SLC16A7: variants seen among roughly 807,000 people sequenced by gnomAD.
The protein encoded by SLC16A7 is solute carrier family 16 member 7.
In SLC16A7, 33 loss-of-function variants were observed where a neutral mutation model predicts 34.9. The observed-to-expected ratio is 0.94, with a 90% CI of 0.72 to 1.26. SLC16A7 has a LOEUF of 1.26. Ranked by LOEUF, SLC16A7 falls within the 50% of genes most tolerant of loss-of-function variation. The pLI is 0.00. For missense variants in SLC16A7, 573 were observed against 578.1 expected, an observed-to-expected ratio of 0.99 and a Z score of 0.09; for synonymous variants, 201 against 206.6, an observed-to-expected ratio of 0.97 and a Z score of 0.23.
At chr12:59,771,608 G>T (rs902442685) in intron 4 of SLC16A7, among the ~76,000 whole-genome samples, 1 of 151,978 alleles carries the variant, frequency 6.6e-6, no homozygotes, top group Admixed American at 6.6e-5. Context: ...AAAGAAAACA[G>T]CTTTAGTTTG....
chr12:59,679,884 A>C (rs890991060), intron 2 of SLC16A7, among the ~76,000 whole-genome samples: 1 of 152,204 alleles, frequency 6.6e-6, no homozygotes, highest in Non-Finnish European at 1.5e-5. Context: ...GTAAAAACCC[A>C]AGGTAGAAAG....
At chr12:59,696,854 A>G (rs571466912) in intron 2 of SLC16A7, among the ~76,000 whole-genome samples, 1 of 152,102 alleles carries the variant, frequency 6.6e-6, no homozygotes, top group South Asian at 2.1e-4. Context: ...AAAATGAAGA[A>G]GTATGTGAGT....
At chr12:59,715,032 G>A (rs900527279) in intron 3 of SLC16A7, among the ~76,000 whole-genome samples, 11 of 152,108 alleles carry the variant, frequency 7.2e-5, no homozygotes, top group South Asian at 2.1e-4. Context: ...AATTTAGTTC[G>A]TAACAGGTAC....
At chr12:59,597,605 G>A (rs548815515) in intron 1 of SLC16A7, among the ~76,000 whole-genome samples, 2 of 152,310 alleles carry the variant, frequency 1.3e-5, no homozygotes, top group South Asian at 4.1e-4. Context: ...GCTGAAAAAT[G>A]AGAGTTGGGT....
intron 2 of SLC16A7, among the ~76,000 whole-genome samples, chr12:59,699,093 C>G (rs1230093479): frequency 6.6e-6 from 1 of 151,342 alleles, no homozygotes; most frequent in Non-Finnish European, 1.5e-5. Context: ...TTTTTCTTTA[C>G]GTATTTTTTT....
chr12:59,740,513 C>A (rs577127287), intron 3 of SLC16A7, among the ~76,000 whole-genome samples: 1 of 151,316 alleles, frequency 6.6e-6, no homozygotes, highest in Admixed American at 6.6e-5. Flanking sequence ...TTCAACAATG[C>A]TTCATGCTAA....
intron 3 of SLC16A7, among the ~76,000 whole-genome samples, chr12:59,716,304 A>T (rs1460329236): frequency 1.3e-5 from 2 of 152,168 alleles, no homozygotes; most frequent in African/African-American, 4.8e-5. Flanking sequence ...ATGAGTGTGC[A>T]TTCTTGGAAG....
intron 2 of SLC16A7, among the ~76,000 whole-genome samples, chr12:59,669,807 G>T (rs1301149136): frequency 3.3e-5 from 5 of 152,100 alleles, no homozygotes; most frequent in African/African-American, 1.2e-4. Flanking sequence ...GCAAATCATG[G>T]ATAAGTCACA....
chr12:59,674,346 A>T (rs1870130599), intron 2 of SLC16A7, among the ~76,000 whole-genome samples: 1 of 152,172 alleles, frequency 6.6e-6, no homozygotes, highest in African/African-American at 2.4e-5. Context: ...AGCACACTGG[A>T]CTTCTGCCAC....
In SLC16A7 at chr12:59,787,285, C is replaced by T. The variant is rs932815323; in HGVS notation, c.*7606C>T. ...CATAGTCTTGAGGAGAACACCTCTA[C>T]AGTATTTCTTGATCTAAGAACCTGA... On this transcript the variant is annotated 3_prime_UTR_variant, in exon 6 of 6. Coordinates refer to ENST00000547379, the MANE Select transcript of SLC16A7 (RefSeq NM_001270623.2). 3.9e-5 allele frequency: 6 copies of T among 152,146 alleles called. No individual in the cohort carries two copies. Among genetic ancestry groups the T allele is most frequent in the African/African-American group, 1.2e-4 (5 of 41,432 alleles). 9.4% of individuals were successfully genotyped at this position (152,146 alleles called of 1,614,324 possible).
chr12:59,728,144 A>G (rs1236769198), intron 3 of SLC16A7, among the ~76,000 whole-genome samples: 1 of 152,166 alleles, frequency 6.6e-6, no homozygotes, highest in Non-Finnish European at 1.5e-5. Context: ...AAAGCAGAGT[A>G]TTACATGGTG....
intron 1 of SLC16A7, among the ~76,000 whole-genome samples, chr12:59,603,020 C>T: frequency 6.6e-6 from 1 of 152,102 alleles, no homozygotes; most frequent in East Asian, 1.9e-4. Flanking sequence ...TTCTTTCTGT[C>T]ACCCCCATTC....
chr12:59,688,773 AT>A (rs1871345233), intron 2 of SLC16A7, among the ~76,000 whole-genome samples: 1 of 152,098 alleles, frequency 6.6e-6, no homozygotes, highest in Non-Finnish European at 1.5e-5. Flanking sequence ...AGATCTGTAA[AT>A]AAAATACAGC....
intron 1 of SLC16A7, among the ~76,000 whole-genome samples, chr12:59,640,436 A>C (rs1880629302): frequency 6.6e-6 from 1 of 151,826 alleles, no homozygotes; most frequent in Non-Finnish European, 1.5e-5. Flanking sequence ...GCCCCCCCAG[A>C]GAAAAAATAA....
intron 1 of SLC16A7, among the ~76,000 whole-genome samples, chr12:59,599,342 G>C (rs950516319): frequency 6.6e-6 from 1 of 151,976 alleles, no homozygotes. Context: ...GCTCTTTTGA[G>C]GATTCCTTTT....
chr12:59,762,524 A>G (rs1487170794), intron 3 of SLC16A7, among the ~76,000 whole-genome samples: 1 of 152,162 alleles, frequency 6.6e-6, no homozygotes, highest in East Asian at 1.9e-4. Context: ...GGACATATTC[A>G]ATGTAAAACA....
At chr12:59,628,453 T>G (rs1462126365) in intron 1 of SLC16A7, among the ~76,000 whole-genome samples, 5 of 151,896 alleles carry the variant, frequency 3.3e-5, no homozygotes, top group Non-Finnish European at 7.4e-5. Flanking sequence ...GTTCTTGACT[T>G]TCATGACTCA....
At chr12:59,690,600 A>C (rs1871536229) in intron 2 of SLC16A7, among the ~76,000 whole-genome samples, 2 of 151,988 alleles carry the variant, frequency 1.3e-5, no homozygotes, top group Non-Finnish European at 2.9e-5. Flanking sequence ...GGTTTGTTAC[A>C]CAGATTAAGT....
chr12:59,712,853 A>T (rs1168447339), intron 3 of SLC16A7, among the ~76,000 whole-genome samples: 1 of 152,030 alleles, frequency 6.6e-6, no homozygotes. Context: ...ACATTCTTTC[A>T]TGTCCTTATT....
Sources: allele counts gnomAD v4.1 joint callset (sites outside exome capture counted in the v4.1 genomes callset), GRCh38; gene constraint gnomAD v4.1.1; transcripts MANE v1.5; gene names NCBI Gene and HGNC (gene_info 2026-07-23, HGNC 2026-07-21).